Variants in RXFP1 observed in about 807,000 individuals in gnomAD.
RXFP1 encodes the protein relaxin receptor 1.
RXFP1 carries 73 observed loss-of-function variants against 89.8 expected under a neutral mutation model. That is an observed-to-expected ratio of 0.81 (90% CI 0.67 to 0.99). The LOEUF (loss-of-function observed/expected upper bound fraction) is 0.99. RXFP1 is among the 50% of genes least tolerant of loss of function. RXFP1 has a pLI of 0.00. For synonymous variants in RXFP1, 277 were observed against 305.5 expected (o/e 0.91, Z 0.97); for missense variants, 793 against 895.5 (o/e 0.89, Z 1.46).
intron 1 of RXFP1, chr4:158,544,493 C>T (rs987942963): frequency 1.1e-5 from 4 of 363,194 alleles, no homozygotes; most frequent in Non-Finnish European, 1.5e-5. Flanking sequence ...TACATGTGCA[C>T]AATGTGCAGG....
At chr4:158,528,335 A>G (rs1357636686) in intron 1 of RXFP1, among the ~76,000 whole-genome samples, 1 of 152,128 alleles carries the variant, frequency 6.6e-6, no homozygotes, top group Non-Finnish European at 1.5e-5. Flanking sequence ...GCGACCCCCC[A>G]TCTCTACAAA....
intron 1 of RXFP1, among the ~76,000 whole-genome samples, chr4:158,556,502 G>A (rs1195551428): frequency 6.6e-6 from 1 of 152,060 alleles, no homozygotes; most frequent in Non-Finnish European, 1.5e-5. Flanking sequence ...GAAAACTATG[G>A]AGATTCCTCA....
chr4:158,599,992 C>G (rs1190559289), intron 4 of RXFP1, among the ~76,000 whole-genome samples: 1 of 152,100 alleles, frequency 6.6e-6, no homozygotes, highest in East Asian at 1.9e-4. Context: ...AAATTATCAC[C>G]ATAAGTGGTT....
At chr4:158,548,376 C>T (rs1360298541) in intron 1 of RXFP1, among the ~76,000 whole-genome samples, 2 of 152,162 alleles carry the variant, frequency 1.3e-5, no homozygotes, top group Non-Finnish European at 2.9e-5. Flanking sequence ...CTGAATACAG[C>T]ACACTGATGG....
chr4:158,581,954 G>A (rs141425160), intron 2 of RXFP1, among the ~76,000 whole-genome samples: 7 of 152,282 alleles, frequency 4.6e-5, no homozygotes, highest in Admixed American at 3.3e-4. Flanking sequence ...ATTACATAGC[G>A]AGAGAGGAAG....
chr4:158,582,891 C>T lies in RXFP1; in HGVS notation c.187+10056C>T, dbSNP rs980337813. Among the ~76,000 whole-genome samples the T allele has an allele frequency of 4.6e-5, 7 of 152,320 alleles. No homozygotes were observed. The East Asian group carries it at 1.2e-3, about 25-fold the overall frequency. On this transcript the variant is annotated intron_variant, in intron 2 of 17. Coordinates refer to ENST00000307765, the MANE Select transcript of RXFP1 (RefSeq NM_021634.4). ...TGTTAAGTCTGGGAAAAGCAAAGCT[C>T]AGCTCTTCTCTTTTTTGGTCTTCCA...
At chr4:158,629,886 T>C (rs918752200) in intron 11 of RXFP1, among the ~76,000 whole-genome samples, 1 of 152,064 alleles carries the variant, frequency 6.6e-6, no homozygotes, top group African/African-American at 2.4e-5. Context: ...CAGCTTCCCA[T>C]ACTTTTGGTA....
chr4:158,535,394 C>T (rs1022871478), intron 1 of RXFP1, among the ~76,000 whole-genome samples: 5 of 152,178 alleles, frequency 3.3e-5, no homozygotes, highest in African/African-American at 1.2e-4. Context: ...CAAAAATGGA[C>T]TAAAATGTGA....
chr4:158,650,278 T>C (rs1457229563), intron 17 of RXFP1, among the ~76,000 whole-genome samples: 1 of 25,004 alleles, frequency 4.0e-5, no homozygotes, highest in Non-Finnish European at 1.5e-3. Flanking sequence ...GTTTGGGAGA[T>C]GAAATCATTC....
At chr4:158,547,457 T>C (rs1272110232) in intron 1 of RXFP1, among the ~76,000 whole-genome samples, 1 of 152,242 alleles carries the variant, frequency 6.6e-6, no homozygotes, top group Admixed American at 6.5e-5. Context: ...CCTTCAGTTC[T>C]GCTCTGACTT....
At chr4:158,551,170 G>T (rs1165180327) in intron 1 of RXFP1, among the ~76,000 whole-genome samples, 4 of 152,158 alleles carry the variant, frequency 2.6e-5, no homozygotes, top group South Asian at 2.1e-4. Context: ...TGACAACATG[G>T]ATGAACCTAG....
chr4:158,615,429 G>A (rs905491437), intron 8 of RXFP1, among the ~76,000 whole-genome samples: 1 of 152,072 alleles, frequency 6.6e-6, no homozygotes, highest in African/African-American at 2.4e-5. Context: ...CCAGGTACTT[G>A]GGAAGCTGAG....
intron 1 of RXFP1, among the ~76,000 whole-genome samples, chr4:158,522,644 G>C (rs1480700976): frequency 6.6e-6 from 1 of 152,122 alleles, no homozygotes; most frequent in East Asian, 1.9e-4. Context: ...TTATTTTTCA[G>C]AAAATCTTTT....
chr4:158,536,858 G>A (rs1745386159), intron 1 of RXFP1, among the ~76,000 whole-genome samples: 1 of 151,944 alleles, frequency 6.6e-6, no homozygotes, highest in Admixed American at 6.6e-5. Flanking sequence ...AAATAACATA[G>A]CCAGGAAATC....
rs531649719 is a variant in RXFP1, at chr4:158,621,109, G to A, written c.755+3904G>A. Among the ~76,000 whole-genome samples the A allele has an allele frequency of 9.9e-5, 15 of 152,070 alleles. No homozygotes were observed. In the East Asian group the frequency reaches 1.9e-3, roughly 20 times the overall value. ...GCTGAGATCACACCATTGCACTCCC[G>A]CCTGGGCGACAGTGAGACTCTGTCT... is the stretch of plus-strand genomic sequence containing the variant. On this transcript the variant is annotated intron_variant, in intron 9 of 17. Coordinates refer to ENST00000307765, the MANE Select transcript of RXFP1 (RefSeq NM_021634.4).
chr4:158,574,439 T>G (rs943080386), intron 2 of RXFP1, among the ~76,000 whole-genome samples: 7 of 152,156 alleles, frequency 4.6e-5, no homozygotes, highest in African/African-American at 1.7e-4. Context: ...CTGAGCTAAT[T>G]TCTTGAATGT....
chr4:158,558,221 C>T (rs924478608), intron 1 of RXFP1, among the ~76,000 whole-genome samples: 1 of 152,184 alleles, frequency 6.6e-6, no homozygotes, highest in South Asian at 2.1e-4. Context: ...CATCACCTTC[C>T]TCATTGGTGT....
At chr4:158,579,361 C>G (rs977118334) in intron 2 of RXFP1, among the ~76,000 whole-genome samples, 1 of 152,106 alleles carries the variant, frequency 6.6e-6, no homozygotes, top group African/African-American at 2.4e-5. Flanking sequence ...CTCTGCCTAC[C>G]GGGTTCAAGC....
Position 158,523,133 on chromosome 4 carries a change from A to AT in RXFP1, c.49+1114dup, listed in dbSNP as rs531665930. On this transcript the variant is annotated intron_variant, in intron 1 of 17. Transcript: ENST00000307765. ...TCTAATCTTGATTACTGACAGTCCT[A>AT]TTTTTTAACTGAAGGGAAAACAATA... Among the ~76,000 whole-genome samples, 7 of 152,270 alleles carry AT rather than the reference A, an allele frequency of 4.6e-5. No homozygotes were observed. In the South Asian group the frequency reaches 1.5e-3, roughly 32 times the overall value.
Sources: gnomAD v4.1 joint callset for allele counts (sites outside exome capture counted in the v4.1 genomes callset) on GRCh38, gnomAD v4.1.1 for gene constraint, MANE v1.5 for transcripts, NCBI Gene and HGNC (gene_info 2026-07-23, HGNC 2026-07-21) for gene names.